ZC3H13: variants seen among roughly 807,000 people sequenced by gnomAD.
ZC3H13 encodes zinc finger CCCH domain-containing protein 13.
A neutral mutation model predicts 204.1 loss-of-function variants in ZC3H13; 64 were observed. The ratio of observed to expected loss-of-function variants is 0.31; its 90% CI spans 0.26 to 0.39. The LOEUF (loss-of-function observed/expected upper bound fraction) is 0.39. Among genes scored for constraint, ZC3H13 ranks in the 10% least tolerant of loss-of-function variants. The pLI is 1.00. For synonymous variants in ZC3H13, 667 were observed against 693.7 expected (o/e 0.96, Z 0.60); for missense variants, 1,833 against 2,082.7 (o/e 0.88, Z 2.33).
chr13:45,985,868 C>A, intron 9 of ZC3H13, 107 bp from the exon 10 acceptor site: 1 of 1,041,176 alleles, frequency 9.6e-7, no homozygotes, highest in Non-Finnish European at 1.3e-6. Flanking sequence ...AATGACAATT[C>A]GTGTTCTTTG....
chr13:45,960,616 T>C (rs533601121), intron 17 of ZC3H13, among the ~76,000 whole-genome samples: 45 of 152,008 alleles, frequency 3.0e-4, no homozygotes, highest in African/African-American at 8.9e-4. Flanking sequence ...TAAGGAAAGA[T>C]AGAATAAAAT....
At chr13:45,970,231 A>G (rs1952471479) in intron 13 of ZC3H13, 131 bp downstream of exon 13, 1 of 992,142 alleles carries the variant, frequency 1.0e-6, no homozygotes, top group Admixed American at 2.3e-5. Context: ...ACAAAAGGAG[A>G]TATTTAGAGG....
chr13:45,964,952 A>G (rs1317684551), intron 16 of ZC3H13, among the ~76,000 whole-genome samples: 4 of 152,238 alleles, frequency 2.6e-5, no homozygotes, highest in African/African-American at 4.8e-5. Context: ...TTTGTACCAT[A>G]TAACTACCAT....
Position 45,985,575 on chromosome 13 carries a change from T to A in ZC3H13, c.1442A>T (p.Glu481Val). ...GGTATCTCTGCTATAATCTCTCATC[T>A]CCCTTGAGTCCCGCATGTCTCTGGA... Reference protein sequence around the residue: ...RDSRDMRDSREMRDYSRDTKE... With the variant: ...RDSRDMRDSRVMRDYSRDTKE... The change falls in exon 10 of 19, where the codon GAG becomes GTG. Residue 481 changes from glutamate (E) to valine (V), a missense_variant. Glu to Val is a moderately radical substitution (Grantham distance 121). Coordinates refer to ENST00000679008, the MANE Select transcript of ZC3H13 (RefSeq NM_001330564.2). 1.2e-6 allele frequency: 2 copies of A among 1,614,072 alleles called. No individual in the cohort carries two copies. Among genetic ancestry groups the A allele is most frequent in the Non-Finnish European group, 1.7e-6 (2 of 1,180,014 alleles).
intron 4 of ZC3H13, among the ~76,000 whole-genome samples, chr13:46,036,739 G>GT (rs201158058): frequency 0.013 from 2,026 of 151,874 alleles, 50 homozygotes; most frequent in African/African-American, 0.046. Flanking sequence ...GTTTTGTTTT[G>GT]TTTTTTTGAG....
intron 12 of ZC3H13, among the ~76,000 whole-genome samples, chr13:45,971,586 T>C (rs1446322861): frequency 6.6e-6 from 1 of 152,146 alleles, no homozygotes; most frequent in Non-Finnish European, 1.5e-5. Flanking sequence ...GAAAACTCTT[T>C]TGGACACTGG....
At chr13:46,050,952 C>G (rs1046474889) in intron 1 of ZC3H13, among the ~76,000 whole-genome samples, 8 of 151,964 alleles carry the variant, frequency 5.3e-5, no homozygotes, top group Non-Finnish European at 7.4e-5. Flanking sequence ...GTTAATGCTT[C>G]AACTACTACT....
chr13:46,012,038 G>A (rs1443988133), intron 5 of ZC3H13, among the ~76,000 whole-genome samples: 1 of 152,156 alleles, frequency 6.6e-6, no homozygotes, highest in Non-Finnish European at 1.5e-5. Flanking sequence ...AAATTTGTGA[G>A]ACAAATGATT....
chr13:46,039,854 A>G (rs951790374), intron 4 of ZC3H13, among the ~76,000 whole-genome samples: 1 of 152,180 alleles, frequency 6.6e-6, no homozygotes, highest in Non-Finnish European at 1.5e-5. Context: ...TCTGTCAGTG[A>G]TGTCTTTGAA....
chr13:46,034,211 G>A (rs1458569811), intron 4 of ZC3H13, among the ~76,000 whole-genome samples: 1 of 152,128 alleles, frequency 6.6e-6, no homozygotes, highest in African/African-American at 2.4e-5. Flanking sequence ...GATGCAAAAT[G>A]GAACAACCAC....
At position 46,020,554 on chromosome 13, in the gene ZC3H13, C is replaced by T; in HGVS notation, c.343G>A (p.Glu115Lys). The T allele has an allele frequency of 6.3e-7, 1 of 1,599,158 alleles. No homozygotes were observed. The highest frequency in any genetic ancestry group is 2.2e-5 in the East Asian group (1 of 44,564). ...TCCCTATGTCTCCCTCTTGAAGATTCTTTCTAAAAAAGTACATACATACAT... is the reference window on the plus strand; with the variant it reads ...TCCCTATGTCTCCCTCTTGAAGATTTTTTCTAAAAAAGTACATACATACAT... ...TEESSSPVRK[E>K]SSRGRHREKE... The change falls in exon 5 of 19, where the codon GAA (glutamate) becomes AAA (lysine). Residue 115 changes from glutamate to lysine, a missense_variant. Around this residue, in one of 5 missense-constraint regions of ZC3H13, gnomAD observed 1,574 missense variants for 1,757.2 expected, o/e 0.90. Coordinates refer to ENST00000679008, the MANE Select transcript of ZC3H13 (RefSeq NM_001330564.2).
chr13:45,968,782 T>C lies in ZC3H13; in HGVS notation c.3762A>G (p.Leu1254=), dbSNP rs1199662361. 5 of 1,610,198 alleles carry C rather than the reference T, an allele frequency of 3.1e-6. No individual in the cohort carries two copies. The South Asian group carries it at 5.5e-5, about 18-fold the overall frequency. The stretch of plus-strand genomic sequence containing the variant: ...TACTTCGACTGGGTTCTCCACGCTT[T>C]AACTGATCAATCCTAGATTTTCTCT... ...TGERKSRIDQ[L]KRGEPSRSTS... is the part of the protein sequence containing the mutation. The change falls in exon 14 of 19, where the codon TTA becomes TTG. Residue 1254 remains leucine, a synonymous_variant. Coordinates refer to ENST00000679008, the MANE Select transcript of ZC3H13 (RefSeq NM_001330564.2).
chr13:46,045,997 T>C (rs888541718), intron 1 of ZC3H13, among the ~76,000 whole-genome samples: 3 of 152,088 alleles, frequency 2.0e-5, no homozygotes, highest in African/African-American at 7.2e-5. Context: ...GTTTCATAAG[T>C]TTAAGGGACA....
At chr13:45,979,730 A>G (rs1421348371) in intron 11 of ZC3H13, 83 bp downstream of exon 11, 10 of 1,368,034 alleles carry the variant, frequency 7.3e-6, no homozygotes, top group Non-Finnish European at 9.9e-6. Context: ...ATTTTATATT[A>G]AAAAGTAAAT....
At chr13:46,028,735 T>G (rs972695227) in intron 4 of ZC3H13, among the ~76,000 whole-genome samples, 2 of 152,134 alleles carry the variant, frequency 1.3e-5, no homozygotes, top group African/African-American at 2.4e-5. Context: ...GCAAAAAAAT[T>G]TTTAAAATAT....
In ZC3H13 at chr13:45,955,782, T is replaced by G. The variant is rs1008135896; in HGVS notation, c.*1345A>C. 5.9e-5 allele frequency: 9 copies of G among 152,178 alleles called. No individual in the cohort carries two copies. In the East Asian group the frequency reaches 1.7e-3, roughly 29 times the overall value. The allele number at this position is 152,178 out of a possible 1,614,324, so 9.4% of individuals were successfully genotyped here. On this transcript the variant is annotated 3_prime_UTR_variant, in exon 19 of 19. Transcript: ENST00000679008. Reference sequence around the variant, plus strand: ...AATTATACATGCTTTCAAAGTCATTTGAAAGTAAGACCATTTCCTTTGGCA... The same window carrying G: ...AATTATACATGCTTTCAAAGTCATTGGAAAGTAAGACCATTTCCTTTGGCA...
chr13:46,010,527 C>T (rs764373596), intron 6 of ZC3H13, 22 bp from the exon 7 acceptor site: 2 of 1,595,184 alleles, frequency 1.3e-6, no homozygotes, highest in Admixed American at 3.4e-5. Context: ...TTCAGTAAGT[C>T]AATTCAGAAA....
chr13:46,017,591 A>C (rs1293880821), intron 5 of ZC3H13, among the ~76,000 whole-genome samples: 1 of 152,166 alleles, frequency 6.6e-6, no homozygotes, highest in African/African-American at 2.4e-5. Flanking sequence ...AAATATTAAA[A>C]AATTTTCTCA....
At chr13:45,974,974 G>C (rs146224322) in intron 12 of ZC3H13, among the ~76,000 whole-genome samples, 2,153 of 151,796 alleles carry the variant, frequency 0.014, 46 homozygotes, top group African/African-American at 0.049. Flanking sequence ...AGCCTCCCAA[G>C]TAGCTGGGAT....
Sources: allele counts gnomAD v4.1 joint callset (sites outside exome capture counted in the v4.1 genomes callset), GRCh38; gene constraint gnomAD v4.1.1; regional missense constraint gnomAD v4.1.1; transcripts MANE v1.5; gene names NCBI Gene and HGNC (gene_info 2026-07-23, HGNC 2026-07-21).